Variants in DOCK1 observed in about 807,000 individuals in gnomAD.
DOCK1 encodes dedicator of cytokinesis protein 1.
In DOCK1, 138 loss-of-function variants were observed where a neutral mutation model predicts 262.7. That is an observed-to-expected ratio of 0.53 (90% CI 0.46 to 0.61). DOCK1 has a LOEUF of 0.61. DOCK1 is among the 20% of genes least tolerant of loss of function. The pLI is 0.00. For missense variants in DOCK1, 1,908 were observed against 2,370.7 expected (o/e 0.80, Z 4.05); for synonymous variants, 866 against 867.4 (o/e 1.00, Z 0.03).
chr10:127,024,619 TG>T (rs1379999453), intron 14 of DOCK1, 65 bp from the exon 15 acceptor site: 1 of 1,340,582 alleles, frequency 7.5e-7, no homozygotes, highest in Non-Finnish European at 1.0e-6. Flanking sequence ...ACATATATAG[TG>T]GGAGATGTAT....
At position 127,175,517 on chromosome 10, in the gene DOCK1, A is replaced by G. The variant is rs1247203819; in HGVS notation, c.2847+47753A>G. The G allele has an allele frequency of 6.2e-7, 1 of 1,609,300 alleles. No individual in the cohort carries two copies. Among genetic ancestry groups the G allele is most frequent in the African/African-American group, 1.3e-5 (1 of 74,872 alleles). ...CCGAGGGCGCCTGGAGCCCGTTGAG[A>G]TGTGTGGCTCTCCTCCGCTCGTCAT... On this transcript the variant is annotated intron_variant, in intron 27 of 51. Transcript: ENST00000623213. This position sits in a 1 kb window ranked among gnomAD's most constrained non-coding sequence, Gnocchi z 6.3.
chr10:127,233,266 G>T (rs1166485508), intron 27 of DOCK1, among the ~76,000 whole-genome samples: 1 of 152,150 alleles, frequency 6.6e-6, no homozygotes, highest in Non-Finnish European at 1.5e-5. Flanking sequence ...TCTAAATTTT[G>T]ATAAGATTGA....
chr10:127,175,452 G>GACAGGC lies in DOCK1; in HGVS notation c.2847+47691_2847+47696dup. On this transcript the variant is annotated intron_variant, in intron 27 of 51. Transcript: ENST00000623213. This position sits in a 1 kb window ranked among gnomAD's most constrained non-coding sequence, Gnocchi z 6.3. ...CGACGGCTGCTCACTACATTCGGGG[G>GACAGGC]ACAGGCACTGCATCGGGGGTGAGCA... 6.2e-7 allele frequency: 1 copy of GACAGGC among 1,611,490 alleles called. No individual in the cohort carries two copies. Among genetic ancestry groups the GACAGGC allele is most frequent in the Non-Finnish European group, 8.5e-7 (1 of 1,180,018 alleles).
At chr10:127,400,742 T>C (rs1477610710) in intron 38 of DOCK1, among the ~76,000 whole-genome samples, 3 of 152,052 alleles carry the variant, frequency 2.0e-5, no homozygotes, top group Non-Finnish European at 4.4e-5. Context: ...AGTGAGGAAA[T>C]GATGGCAGTA....
Position 127,419,667 on chromosome 10 carries a change from CCTT to C in DOCK1, c.4698_4700del (p.Phe1567del). ...AGCAACTCTCCTTGTCTCCACCAGG[CCTT>C]CTTTACAGACCGGTACCTGCAGGAG... On this transcript the variant is annotated inframe_deletion and splice_region_variant, in exon 46 of 52. Transcript: ENST00000623213. The C allele has an allele frequency of 6.2e-7, 1 of 1,601,824 alleles. No individual in the cohort carries two copies. Among genetic ancestry groups the C allele is most frequent in the Non-Finnish European group, 8.5e-7 (1 of 1,173,972 alleles).
At chr10:127,409,479 G>A (rs925705065) in intron 42 of DOCK1, 88 bp downstream of exon 42, 21 of 1,418,132 alleles carry the variant, frequency 1.5e-5, no homozygotes, top group South Asian at 8.3e-5. Flanking sequence ...TTTAAAGGAC[G>A]GACTTTGGCC....
chr10:126,906,411 A>G (rs2030840588), intron 1 of DOCK1, among the ~76,000 whole-genome samples: 1 of 151,834 alleles, frequency 6.6e-6, no homozygotes, highest in South Asian at 2.1e-4. Context: ...GCGGACGCCC[A>G]CCTCTTCGTG....
At chr10:127,448,161 G>A (rs572002931) in intron 51 of DOCK1, among the ~76,000 whole-genome samples, 103 of 152,186 alleles carry the variant, frequency 6.8e-4, no homozygotes, top group African/African-American at 2.3e-3. Flanking sequence ...GTGCTAGTTC[G>A]GGGGTGCTGA....
chr10:127,081,419 A>C (rs1281598713), intron 23 of DOCK1, among the ~76,000 whole-genome samples: 1 of 151,660 alleles, frequency 6.6e-6, no homozygotes, highest in Non-Finnish European at 1.5e-5. Flanking sequence ...GGAGTAGACA[A>C]TGACCTTTCA....
chr10:126,935,662 C>A (rs1372922478), intron 1 of DOCK1, among the ~76,000 whole-genome samples: 1 of 152,252 alleles, frequency 6.6e-6, no homozygotes, highest in Non-Finnish European at 1.5e-5. Context: ...TAACTTCTCT[C>A]TATCCCTTGG....
In DOCK1 at chr10:127,018,665, T is replaced by C. The variant is rs748171875; in HGVS notation, c.1202-45T>C. ...TTGGTTTCGTGAAAACTTCTAAAAA[T>C]GCATAGGATAAAATGCGACTTAAGA... On this transcript the variant is annotated intron_variant, in intron 12 of 51. Transcript: ENST00000623213. 5.0e-6 allele frequency: 8 copies of C among 1,611,506 alleles called. No individual in the cohort carries two copies. In the Admixed American group the frequency reaches 1.2e-4, roughly 24 times the overall value.
chr10:126,959,521 A>G (rs1447081839), intron 1 of DOCK1, among the ~76,000 whole-genome samples: 1 of 151,990 alleles, frequency 6.6e-6, no homozygotes, highest in African/African-American at 2.4e-5. Context: ...GGACTAGATA[A>G]AAAAAATCAG....
At chr10:127,300,552 A>G (rs2135426175) in intron 29 of DOCK1, among the ~76,000 whole-genome samples, 1 of 152,378 alleles carries the variant, frequency 6.6e-6, no homozygotes, top group Middle Eastern at 3.4e-3. Flanking sequence ...GAAAAGAGAT[A>G]TCGCCCTCCC....
intron 40 of DOCK1, 47 bp from the exon 41 acceptor site, chr10:127,408,990 C>T (rs1565068536): frequency 6.5e-7 from 1 of 1,545,734 alleles, no homozygotes; most frequent in Non-Finnish European, 8.7e-7. Flanking sequence ...TGAACTCTTC[C>T]TGGCCCTTTC....
intron 37 of DOCK1, among the ~76,000 whole-genome samples, chr10:127,383,184 G>A (rs746394867): frequency 2.6e-5 from 4 of 152,016 alleles, no homozygotes; most frequent in South Asian, 4.2e-4. Context: ...CATATCTTTC[G>A]TCAAAACCAA....
At chr10:127,070,738 A>T (rs900639539) in intron 23 of DOCK1, among the ~76,000 whole-genome samples, 1 of 151,204 alleles carries the variant, frequency 6.6e-6, no homozygotes, top group Non-Finnish European at 1.5e-5. Flanking sequence ...TCTAGTGTGC[A>T]CATGAGTCAC....
intron 29 of DOCK1, among the ~76,000 whole-genome samples, chr10:127,283,760 A>G (rs2061049607): frequency 6.6e-6 from 1 of 152,238 alleles, no homozygotes; most frequent in Non-Finnish European, 1.5e-5. Flanking sequence ...TGGGTATACC[A>G]TAACTTGTCA....
chr10:127,444,403 C>A (rs1171875537), intron 50 of DOCK1, 124 bp downstream of exon 50: 2 of 1,254,404 alleles, frequency 1.6e-6, no homozygotes, highest in Non-Finnish European at 2.1e-6. Flanking sequence ...TTTAGATAAA[C>A]ACCTGGCTCC....
At chr10:127,022,559 C>G (rs915659559) in intron 13 of DOCK1, among the ~76,000 whole-genome samples, 2 of 151,870 alleles carry the variant, frequency 1.3e-5, no homozygotes, top group Non-Finnish European at 2.9e-5. Context: ...CGCCCAGTAG[C>G]TAATTTTTGT....
Sources: allele counts gnomAD v4.1 joint callset (sites outside exome capture counted in the v4.1 genomes callset), GRCh38; gene constraint gnomAD v4.1.1; non-coding constraint Gnocchi (gnomAD v3.1); transcripts MANE v1.5; gene names NCBI Gene and HGNC (gene_info 2026-07-23, HGNC 2026-07-21).